Variants in USP54 observed in about 807,000 individuals in gnomAD.
USP54 encodes ubiquitin specific peptidase 54, also known as ubiquitin carboxyl-terminal hydrolase 54.
USP54 carries 87 observed loss-of-function variants against 170.5 expected under a neutral mutation model. The observed-to-expected ratio is 0.51, with a 90% CI of 0.43 to 0.61. The LOEUF (loss-of-function observed/expected upper bound fraction) is 0.61, where lower values mean the gene tolerates loss of function less well. USP54 is among the 20% of genes least tolerant of loss of function. The pLI, the probability that USP54 is intolerant of heterozygous loss-of-function variation, is 0.00. For synonymous variants in USP54, 655 were observed against 742.8 expected (o/e 0.88, Z 1.92); for missense variants, 1,786 against 2,047.8 (o/e 0.87, Z 2.47).
chr10:73,544,279 T>C (rs767287509), intron 5 of USP54, among the ~76,000 whole-genome samples: 85 of 152,334 alleles, frequency 5.6e-4, no homozygotes, highest in Non-Finnish European at 4.3e-4. Context: ...TCCCTTGAGG[T>C]CTGTCCAAGT....
intron 1 of USP54, among the ~76,000 whole-genome samples, chr10:73,619,594 C>T (rs746248921): frequency 6.0e-5 from 9 of 149,920 alleles, no homozygotes; most frequent in Non-Finnish European, 1.2e-4. Context: ...GGATTATAGG[C>T]GTGAGCCACC....
At chr10:73,520,029 C>T in intron 18 of USP54, 37 bp from the exon 19 acceptor site, 3 of 1,530,576 alleles carry the variant, frequency 2.0e-6, no homozygotes. Flanking sequence ...AAACAGAACA[C>T]AAAACACAAA....
intron 3 of USP54, among the ~76,000 whole-genome samples, chr10:73,573,164 T>C (rs2133808365): frequency 6.6e-6 from 1 of 152,054 alleles, no homozygotes; most frequent in African/African-American, 2.4e-5. Context: ...GTAGCATGTG[T>C]CTGTTGTCCT....
intron 4 of USP54, among the ~76,000 whole-genome samples, chr10:73,551,725 T>C (rs1714627197): frequency 1.3e-5 from 2 of 152,226 alleles, no homozygotes; most frequent in South Asian, 4.1e-4. Flanking sequence ...ATAGGCTCTA[T>C]TACAGAACAA....
At chr10:73,586,855 G>A (rs1419004980) in intron 1 of USP54, among the ~76,000 whole-genome samples, 2 of 152,184 alleles carry the variant, frequency 1.3e-5, no homozygotes, top group Non-Finnish European at 2.9e-5. Context: ...ACAATTTCCT[G>A]AGGGCTGGAC....
chr10:73,500,983 C>T, intron 22 of USP54, 145 bp from the exon 23 acceptor site: 1 of 839,426 alleles, frequency 1.2e-6, no homozygotes, highest in Non-Finnish European at 1.8e-6. Context: ...TGGAACAGGA[C>T]CCAATTTACT....
At chr10:73,558,923 T>C (rs2071991798) in intron 4 of USP54, among the ~76,000 whole-genome samples, 1 of 152,174 alleles carries the variant, frequency 6.6e-6, no homozygotes, top group Non-Finnish European at 1.5e-5. Context: ...TGACATAACT[T>C]TTTCTTAATT....
intron 1 of USP54, among the ~76,000 whole-genome samples, chr10:73,623,228 T>A (rs1489827352): frequency 2.6e-5 from 4 of 151,832 alleles, no homozygotes; most frequent in Non-Finnish European, 4.4e-5. Flanking sequence ...ACAAAAAAAA[T>A]TTTAATAATT....
chr10:73,598,718 T>C (rs576337593), intron 1 of USP54, among the ~76,000 whole-genome samples: 2 of 152,312 alleles, frequency 1.3e-5, no homozygotes, highest in Admixed American at 6.5e-5. Context: ...GAGACCAGCC[T>C]GGCCAACATG....
At chr10:73,545,445 G>A in intron 5 of USP54, 93 bp downstream of exon 5, 1 of 1,508,018 alleles carries the variant, frequency 6.6e-7, no homozygotes. Context: ...AGAGATAAGG[G>A]CACAGCAAAT....
intron 1 of USP54, among the ~76,000 whole-genome samples, chr10:73,588,600 C>T (rs191323174): frequency 3.4e-4 from 52 of 152,320 alleles, no homozygotes; most frequent in Non-Finnish European, 5.9e-5. Flanking sequence ...TCTAACTATT[C>T]TTTCCTCTCT....
intron 4 of USP54, among the ~76,000 whole-genome samples, chr10:73,567,341 T>C (rs917299887): frequency 2.0e-5 from 3 of 152,224 alleles, no homozygotes; most frequent in Non-Finnish European, 4.4e-5. Flanking sequence ...TATAAAATGC[T>C]TTTTAAATTG....
rs1485445021 is a variant in USP54 at position 73,536,274 on chromosome 10, T to C, written c.1139A>G (p.Asp380Gly). The C allele has an allele frequency of 6.2e-7, 1 of 1,614,016 alleles. No individual in the cohort carries two copies. Among genetic ancestry groups the C allele is most frequent in the South Asian group, 1.1e-5 (1 of 91,076 alleles). Residue 380 changes from aspartate to glycine, a missense_variant, in exon 11 of 24, where the codon GAT becomes GGT. Physicochemically the swap from Asp to Gly is moderately conservative, Grantham distance 94 (BLOSUM62 -1). Coordinates refer to ENST00000687698, the MANE Select transcript of USP54 (RefSeq NM_001391956.1). ...TAAAGAGCCTGGCTGCTCACCTGAATCTTCACTGTCGTAGCATGTCCTGCT... is the reference window on the plus strand; with the variant it reads ...TAAAGAGCCTGGCTGCTCACCTGAACCTTCACTGTCGTAGCATGTCCTGCT... Reference protein sequence around the residue: ...SYSRTCYDSEDSGREPSISSD... With the variant: ...SYSRTCYDSEGSGREPSISSD...
chr10:73,569,104 CCAGTGTCAGA>C (rs1273601812), intron 4 of USP54, among the ~76,000 whole-genome samples: 24 of 152,264 alleles, frequency 1.6e-4, no homozygotes, highest in Non-Finnish European at 3.1e-4. Context: ...ACAAGAGTTT[CCAGTGTCAGA>C]CAGTTCTTCT....
At chr10:73,613,195 C>T (rs914228683) in intron 1 of USP54, among the ~76,000 whole-genome samples, 18 of 142,636 alleles carry the variant, frequency 1.3e-4, no homozygotes, top group African/African-American at 4.8e-4. Context: ...GGTACAGTGG[C>T]GTGATCTTGG....
At chr10:73,594,959 T>G (rs1355642361), upstream of USP54, among the ~76,000 whole-genome samples, 1 of 151,978 alleles carries the variant, frequency 6.6e-6, no homozygotes, top group African/African-American at 2.4e-5. Context: ...AGAGTCTCAC[T>G]CTGTCACCCA....
chr10:73,525,292 GTATGCAAAGT>G (rs1422805028), intron 16 of USP54, among the ~76,000 whole-genome samples: 3 of 152,184 alleles, frequency 2.0e-5, no homozygotes, highest in Non-Finnish European at 2.9e-5. Context: ...TTTTAAAGGA[GTATGCAAAGT>G]TACCATATAA....
chr10:73,521,557 TCA>T (rs933204719), intron 17 of USP54, among the ~76,000 whole-genome samples: 51 of 152,308 alleles, frequency 3.3e-4, no homozygotes, highest in African/African-American at 1.2e-3. Context: ...CTTCACCAAT[TCA>T]CAGTCCTCTA....
intron 4 of USP54, among the ~76,000 whole-genome samples, chr10:73,557,014 C>T (rs1007100048): frequency 1.3e-5 from 2 of 152,132 alleles, no homozygotes; most frequent in African/African-American, 4.8e-5. Flanking sequence ...TAACAAAAAA[C>T]ACTCTGTCCT....
Sources: allele counts gnomAD v4.1 joint callset (sites outside exome capture counted in the v4.1 genomes callset), GRCh38; gene constraint gnomAD v4.1.1; transcripts MANE v1.5; gene names NCBI Gene and HGNC (gene_info 2026-07-23, HGNC 2026-07-21).